The following EEPD1 variants were observed in gnomAD, a reference collection of about 807,000 sequenced individuals.
The protein encoded by EEPD1 is endonuclease/exonuclease/phosphatase family domain-containing protein 1.
EEPD1 carries 17 observed loss-of-function variants against 46.3 expected under a neutral mutation model. That is an observed-to-expected ratio of 0.37 (90% CI 0.25 to 0.55). EEPD1 has a LOEUF of 0.55. Among genes scored for constraint, EEPD1 ranks in the 20% least tolerant of loss-of-function variants. The pLI is 0.83. For missense variants in EEPD1, 673 were observed against 745.6 expected (o/e 0.90, Z 1.13); for synonymous variants, 313 against 315.6 (o/e 0.99, Z 0.09).
chr7:36,299,162 G>A lies in EEPD1; in HGVS notation c.1666G>A (p.Val556Met). Residue 556 changes from valine (V) to methionine (M), a missense_variant, in exon 8 of 8, where the codon GTG becomes ATG. Physicochemically the swap from Val to Met is conservative, Grantham distance 21. Transcript: ENST00000242108. ...KKDAPRNGSG[V>M]ALERSEANIK... is the part of the protein sequence containing the mutation. Reference sequence around the variant, plus strand: ...GGATGCCCCTCGGAACGGCAGCGGGGTGGCCTTGGAGCGAAGTGAAGCCAA... The same window carrying A: ...GGATGCCCCTCGGAACGGCAGCGGGATGGCCTTGGAGCGAAGTGAAGCCAA... 2 of 1,614,216 alleles carry A rather than the reference G, an allele frequency of 1.2e-6. No homozygotes were observed. Among genetic ancestry groups the A allele is most frequent in the Non-Finnish European group, 1.7e-6 (2 of 1,180,030 alleles).
chr7:36,236,076 C>T (rs930864041), intron 2 of EEPD1, among the ~76,000 whole-genome samples: 4 of 152,198 alleles, frequency 2.6e-5, no homozygotes, highest in Admixed American at 6.5e-5. Flanking sequence ...AGGCATGCAC[C>T]ACCACACCAG....
chr7:36,299,334 C>T lies in EEPD1; in HGVS notation c.*128C>T. The T allele has an allele frequency of 8.7e-7, 1 of 1,147,432 alleles. No homozygotes were observed. The highest frequency in any genetic ancestry group is 1.5e-5 in the South Asian group (1 of 64,672). 71.1% of individuals were successfully genotyped at this position (1,147,432 alleles called of 1,614,324 possible). The stretch of plus-strand genomic sequence containing the variant: ...TTCTCAGAGCATCAGCACTTGAGGC[C>T]TTGCCCCACGCCTTCTCTGTGGACC... On this transcript the variant is annotated 3_prime_UTR_variant, in exon 8 of 8. Coordinates refer to ENST00000242108, the MANE Select transcript of EEPD1 (RefSeq NM_030636.3).
chr7:36,237,516 C>T (rs964218434), intron 2 of EEPD1, among the ~76,000 whole-genome samples: 1 of 152,170 alleles, frequency 6.6e-6, no homozygotes, highest in African/African-American at 2.4e-5. Context: ...TCCCCCAGTC[C>T]CTGGTAAGCA....
intron 6 of EEPD1, among the ~76,000 whole-genome samples, chr7:36,288,125 C>G (rs1370442021): frequency 6.6e-6 from 1 of 152,184 alleles, no homozygotes. Flanking sequence ...GTGGTGCCGC[C>G]TGCAGATTTG....
intron 3 of EEPD1, among the ~76,000 whole-genome samples, chr7:36,245,464 G>A (rs1786625307): frequency 6.6e-6 from 1 of 152,106 alleles, no homozygotes; most frequent in South Asian, 2.1e-4. Context: ...GACCCCCAAG[G>A]CATAAATCAG....
intron 2 of EEPD1, among the ~76,000 whole-genome samples, chr7:36,222,462 C>T (rs953922237): frequency 4.6e-5 from 7 of 152,116 alleles, no homozygotes; most frequent in East Asian, 1.9e-4. Context: ...TAAGTAGACC[C>T]GCACAATTCA....
At chr7:36,178,466 T>C (rs1293737418) in intron 2 of EEPD1, among the ~76,000 whole-genome samples, 9 of 152,254 alleles carry the variant, frequency 5.9e-5, no homozygotes, top group Non-Finnish European at 1.3e-4. Context: ...CCTCATCTCA[T>C]GATTCCTCCA....
chr7:36,287,361 G>A (rs1306368245), intron 5 of EEPD1, among the ~76,000 whole-genome samples: 3 of 150,482 alleles, frequency 2.0e-5, no homozygotes, highest in Non-Finnish European at 2.9e-5. Context: ...AACATTTACA[G>A]ATATGCAGAT....
intron 2 of EEPD1, among the ~76,000 whole-genome samples, chr7:36,172,617 GTTTTTTT>G (rs70977113): frequency 1.6e-4 from 16 of 100,072 alleles, no homozygotes; most frequent in South Asian, 4.2e-4. Flanking sequence ...AATATTATGA[GTTTTTTT>G]TTTTTTTTTT....
chr7:36,211,175 TCTTCGGTGCC>T (rs1336611041), intron 2 of EEPD1, among the ~76,000 whole-genome samples: 20 of 152,228 alleles, frequency 1.3e-4, no homozygotes, highest in African/African-American at 2.2e-4. Flanking sequence ...ACTGGCAGTA[TCTTCGGTGCC>T]CTTCGGTGCC....
At chr7:36,215,495 C>T (rs1310617205) in intron 2 of EEPD1, among the ~76,000 whole-genome samples, 3 of 152,246 alleles carry the variant, frequency 2.0e-5, no homozygotes, top group African/African-American at 7.2e-5. Context: ...ACCAGATCCC[C>T]ACACATCCGG....
At chr7:36,211,222 G>T (rs920142189) in intron 2 of EEPD1, among the ~76,000 whole-genome samples, 1 of 152,190 alleles carries the variant, frequency 6.6e-6, no homozygotes, top group African/African-American at 2.4e-5. Flanking sequence ...ACATTCTGTG[G>T]CATGGTAAAT....
chr7:36,172,278 C>T (rs1026620116), intron 2 of EEPD1, among the ~76,000 whole-genome samples: 2 of 152,204 alleles, frequency 1.3e-5, no homozygotes, highest in Non-Finnish European at 2.9e-5. Flanking sequence ...TCTTCCCCTC[C>T]TTTTTGATTG....
intron 3 of EEPD1, among the ~76,000 whole-genome samples, chr7:36,252,829 C>CTA (rs1786772128): frequency 3.6e-5 from 2 of 54,896 alleles, no homozygotes; most frequent in Non-Finnish European, 6.2e-5. Context: ...GTGTTCTCTC[C>CTA]TTTTTTTTTT....
In EEPD1 at chr7:36,225,047, A is replaced by C. The variant is rs539745258; in HGVS notation, c.879-13938A>C. On this transcript the variant is annotated intron_variant, in intron 2 of 7. Coordinates refer to ENST00000242108, the MANE Select transcript of EEPD1 (RefSeq NM_030636.3). The surrounding 1 kb of genome is among the most constrained non-coding windows in gnomAD (Gnocchi z 4.2). The stretch of plus-strand genomic sequence containing the variant: ...AACAAGGAATGCAGGCAGCCACCAG[A>C]GACAAAAAAAAAATAGGCTCTCCTC... 1.3e-5 allele frequency among the ~76,000 whole-genome samples: 2 copies of C among 152,106 alleles called. No individual in the cohort carries two copies. Among genetic ancestry groups the C allele is most frequent in the African/African-American group, 4.8e-5 (2 of 41,502 alleles).
chr7:36,176,715 A>G (rs1001944790), intron 2 of EEPD1, among the ~76,000 whole-genome samples: 7 of 152,230 alleles, frequency 4.6e-5, no homozygotes, highest in Non-Finnish European at 8.8e-5. Flanking sequence ...TTGACTTCAG[A>G]TCATGCTAAC....
intron 3 of EEPD1, among the ~76,000 whole-genome samples, chr7:36,271,144 GC>G (rs1787096007): frequency 6.6e-6 from 1 of 151,816 alleles, no homozygotes; most frequent in South Asian, 2.1e-4. Flanking sequence ...CCGCCACCAC[GC>G]CCGGCTAATT....
At chr7:36,206,564 TGG>T (rs1785822111) in intron 2 of EEPD1, among the ~76,000 whole-genome samples, 3 of 152,166 alleles carry the variant, frequency 2.0e-5, no homozygotes, top group Non-Finnish European at 2.9e-5. Context: ...AGAGTGGGGC[TGG>T]AAAGCTGCAA....
chr7:36,177,367 A>T (rs1207526726), intron 2 of EEPD1, among the ~76,000 whole-genome samples: 1 of 152,102 alleles, frequency 6.6e-6, no homozygotes, highest in Non-Finnish European at 1.5e-5. Flanking sequence ...TGACCCCATC[A>T]TCCAGGTAGT....
Sources: allele counts gnomAD v4.1 joint callset (sites outside exome capture counted in the v4.1 genomes callset), GRCh38; gene constraint gnomAD v4.1.1; non-coding constraint Gnocchi (gnomAD v3.1); transcripts MANE v1.5; gene names NCBI Gene and HGNC (gene_info 2026-07-23, HGNC 2026-07-21).